TET2: variants seen among roughly 807,000 people sequenced by gnomAD.
The protein encoded by TET2 is tet methylcytosine dioxygenase 2, also known as methylcytosine dioxygenase TET2.
Under a neutral mutation model 142.9 loss-of-function variants are expected in TET2, and 299 were observed. The observed-to-expected ratio is 2.09, with a 90% confidence interval of 1.90 to 2.30. The LOEUF (loss-of-function observed/expected upper bound fraction) is 2.30, where lower values mean the gene tolerates loss of function less well. Among genes scored for constraint, TET2 ranks in the 30% most tolerant of loss-of-function variants. TET2 has a pLI of 0.00. For synonymous variants in TET2, 819 were observed against 849.0 expected, an observed-to-expected ratio of 0.96 and a Z score of 0.61; for missense variants, 2,418 against 2,378.0, an observed-to-expected ratio of 1.02 and a Z score of -0.35.
intron 2 of TET2, among the ~76,000 whole-genome samples, chr4:105,198,400 G>T (rs1311982108): frequency 1.3e-5 from 2 of 152,148 alleles, no homozygotes; most frequent in Non-Finnish European, 2.9e-5. Context: ...AGGTGTCATT[G>T]TCCTATGAAA....
chr4:105,169,131 G>A (rs781233952), intron 1 of TET2, among the ~76,000 whole-genome samples: 2 of 152,098 alleles, frequency 1.3e-5, no homozygotes, highest in Non-Finnish European at 2.9e-5. Context: ...AATGGTAGTT[G>A]TACTTTTAGT....
chr4:105,189,479 TTCAG>T (rs1340907865), intron 1 of TET2, among the ~76,000 whole-genome samples: 3 of 151,918 alleles, frequency 2.0e-5, no homozygotes, highest in Admixed American at 6.6e-5. Flanking sequence ...GTAGACACTC[TTCAG>T]TCAGAGAGAG....
intron 2 of TET2, among the ~76,000 whole-genome samples, chr4:105,207,938 G>T (rs1200171273): frequency 6.6e-6 from 1 of 152,122 alleles, no homozygotes; most frequent in Admixed American, 6.5e-5. Context: ...TAGATGACAG[G>T]TTTGGAGTGA....
intron 1 of TET2, among the ~76,000 whole-genome samples, chr4:105,149,202 G>T (rs1225205461): frequency 5.3e-5 from 8 of 152,122 alleles, no homozygotes; most frequent in East Asian, 1.9e-4. Flanking sequence ...CTTTTCAAAT[G>T]TTGTGGTATA....
chr4:105,225,185 C>CGTGTGT (rs79864807), intron 2 of TET2, among the ~76,000 whole-genome samples: 67 of 147,212 alleles, frequency 4.6e-4, no homozygotes, highest in African/African-American at 6.6e-4. Flanking sequence ...AGTAAAAAAT[C>CGTGTGT]GTGTGTGTGT....
chr4:105,185,877 ATAT>A lies in TET2; in HGVS notation c.-192-4479_-192-4477del, dbSNP rs10604685. Among the ~76,000 whole-genome samples the A allele has an allele frequency of 1.8e-3, 276 of 152,286 alleles. 3 individuals are homozygous for A. The highest frequency in any genetic ancestry group is 5.6e-3 in the African/African-American group (233 of 41,570). On this transcript the variant is annotated intron_variant, in intron 1 of 10. Coordinates refer to ENST00000380013, the MANE Select transcript of TET2 (RefSeq NM_001127208.3). The stretch of plus-strand genomic sequence containing the variant: ...ACAAAGGAAAATATGTTTAGGAATG[ATAT>A]TATGCTCAAAATGATTGCAACTTTG...
intron 6 of TET2, among the ~76,000 whole-genome samples, chr4:105,247,850 T>C (rs1372622845): frequency 6.7e-6 from 1 of 150,188 alleles, no homozygotes; most frequent in Non-Finnish European, 1.5e-5. Flanking sequence ...GCCTCCTGAG[T>C]AACTGGGACT....
chr4:105,170,780 A>C (rs1724418211), intron 1 of TET2, among the ~76,000 whole-genome samples: 1 of 152,198 alleles, frequency 6.6e-6, no homozygotes. Context: ...TGTGCATTTA[A>C]AAGGCTGTTG....
At chr4:105,204,266 C>CACAT (rs773109855) in intron 2 of TET2, among the ~76,000 whole-genome samples, 8 of 140,094 alleles carry the variant, frequency 5.7e-5, no homozygotes, top group Non-Finnish European at 7.5e-5. Context: ...CACACACACA[C>CACAT]ACATACATAC....
At chr4:105,150,406 G>A (rs1723240206) in intron 1 of TET2, among the ~76,000 whole-genome samples, 2 of 152,116 alleles carry the variant, frequency 1.3e-5, no homozygotes, top group Admixed American at 1.3e-4. Context: ...AGTCATCTTT[G>A]TTATATAAAT....
At chr4:105,171,511 A>G (rs556798317) in intron 1 of TET2, 1 of 152,352 alleles carries the variant, frequency 6.6e-6, no homozygotes, top group Admixed American at 6.5e-5. Flanking sequence ...GTTCTTTAAA[A>G]AATGACAGGA....
rs1300303832 is a variant in TET2 at position 105,236,021 on chromosome 4, A to G, written c.2079A>G (p.Lys693=). The G allele has an allele frequency of 6.2e-7, 1 of 1,614,112 alleles. No homozygotes were observed. The highest frequency in any genetic ancestry group is 8.5e-7 in the Non-Finnish European group (1 of 1,180,008). ...AAAGAGCAGATTCCCAAACTGAAAA[A>G]CTTATGTCCCCAGTGTTGAAACAGC... ...FQQRADSQTE[K]LMSPVLKQHL... is the part of the protein sequence containing the mutation. Residue 693 remains lysine (K), a synonymous_variant, in exon 3 of 11, where the codon AAA becomes AAG. Coordinates refer to ENST00000380013, the MANE Select transcript of TET2 (RefSeq NM_001127208.3).
At chr4:105,260,473 C>T (rs369804416) in intron 7 of TET2, among the ~76,000 whole-genome samples, 12 of 149,066 alleles carry the variant, frequency 8.1e-5, no homozygotes, top group Non-Finnish European at 1.0e-4. Context: ...AAAAAAAAAA[C>T]GAAGCCATTA....
At chr4:105,267,797 G>C (rs192279068) in intron 8 of TET2, among the ~76,000 whole-genome samples, 140 of 151,390 alleles carry the variant, frequency 9.2e-4, no homozygotes, top group African/African-American at 3.1e-3. Context: ...TAAATATAAA[G>C]ATACAAATAA....
At chr4:105,204,482 T>C (rs1025323921) in intron 2 of TET2, among the ~76,000 whole-genome samples, 1 of 152,116 alleles carries the variant, frequency 6.6e-6, no homozygotes, top group African/African-American at 2.4e-5. Flanking sequence ...CTAAGAATAA[T>C]TTACCAATGG....
At chr4:105,183,957 A>G (rs902474623) in intron 1 of TET2, among the ~76,000 whole-genome samples, 5 of 152,166 alleles carry the variant, frequency 3.3e-5, no homozygotes, top group Non-Finnish European at 5.9e-5. Context: ...TGGTAAGTCT[A>G]TTGTAGAGAA....
At chr4:105,148,986 A>G (rs1723170891) in intron 1 of TET2, among the ~76,000 whole-genome samples, 1 of 152,190 alleles carries the variant, frequency 6.6e-6, no homozygotes, top group Non-Finnish European at 1.5e-5. Flanking sequence ...CATGATTACA[A>G]GGGAGAAGCA....
intron 2 of TET2, among the ~76,000 whole-genome samples, chr4:105,206,646 C>G (rs1219683876): frequency 6.6e-6 from 1 of 152,170 alleles, no homozygotes; most frequent in Non-Finnish European, 1.5e-5. Flanking sequence ...TCTGCATTTT[C>G]TCTAGAAATT....
chr4:105,276,309 A>G lies in TET2; in HGVS notation c.5799A>G (p.Glu1933=). 6.4e-7 allele frequency: 1 copy of G among 1,551,700 alleles called. No homozygotes were observed. The highest frequency in any genetic ancestry group is 8.7e-7 in the Non-Finnish European group (1 of 1,146,974). The change falls in exon 11 of 11, where the codon GAA becomes GAG. Residue 1933 remains glutamate, a synonymous_variant. Transcript: ENST00000380013. ...CCCGTGAGAAAGAGGAAGAGTGTGA[A>G]AAGTATGGCCCAGACTATGTGCCTC... The part of the protein sequence containing the change: ...EKAREKEEEC[E]KYGPDYVPQK...
Sources: allele counts gnomAD v4.1 joint callset (sites outside exome capture counted in the v4.1 genomes callset), GRCh38; gene constraint gnomAD v4.1.1; transcripts MANE v1.5; gene names NCBI Gene and HGNC (gene_info 2026-07-23, HGNC 2026-07-21).